The following AZIN1 variants were observed in gnomAD, a reference collection of about 807,000 sequenced individuals.
The protein encoded by AZIN1 is ornithine decarboxylase antizyme inhibitor.
A neutral mutation model predicts 47.4 loss-of-function variants in AZIN1; 12 were observed. The ratio of observed to expected loss-of-function variants is 0.25; its 90% CI spans 0.16 to 0.41. The LOEUF (loss-of-function observed/expected upper bound fraction) is 0.41. AZIN1 is among the 10% of genes least tolerant of loss of function. The pLI is 1.00. For synonymous variants in AZIN1, 155 were observed against 176.3 expected (o/e 0.88, Z 0.96); for missense variants, 410 against 532.4 (o/e 0.77, Z 2.26).
chr8:102,836,323 T>A lies in AZIN1; in HGVS notation c.517A>T (p.Thr173Ser). 6.2e-7 allele frequency: 1 copy of A among 1,613,492 alleles called. No individual in the cohort carries two copies. Among genetic ancestry groups the A allele is most frequent in the East Asian group, 2.2e-5 (1 of 44,874 alleles). The change falls in exon 6 of 12, where the codon ACC (threonine) becomes TCC (serine). Residue 173 changes from threonine (T) to serine (S), a missense_variant. By Grantham distance (58) the Thr-to-Ser change is moderately conservative. Coordinates refer to ENST00000337198, the MANE Select transcript of AZIN1 (RefSeq NM_148174.4). ...AAGAGATGCCTACAGTTCTTCAGGG[T>A]AGTGCCAAACTTCATGTTACCCTCT... Reference protein sequence around the residue: ...GEEGNMKFGTTLKNCRHLLEC... With the variant: ...GEEGNMKFGTSLKNCRHLLEC...
chr8:102,834,953 C>T (rs1811723445), intron 6 of AZIN1: 1 of 506,026 alleles, frequency 2.0e-6, no homozygotes, highest in Admixed American at 3.8e-5. Flanking sequence ...CAAGATAAAA[C>T]TGTAATTCTA....
At position 102,828,472 on chromosome 8, in the gene AZIN1, G is replaced by C; in HGVS notation, c.*95C>G. On this transcript the variant is annotated 3_prime_UTR_variant, in exon 12 of 12. Transcript: ENST00000337198. ...TAGTTTTTGTTGCCAAAAGAATTAAGAGAATAAGATTGTTTAAATTATTTT... is the reference window on the plus strand; with the variant it reads ...TAGTTTTTGTTGCCAAAAGAATTAACAGAATAAGATTGTTTAAATTATTTT... 1 of 782,562 alleles carries C rather than the reference G, an allele frequency of 1.3e-6. No individual in the cohort carries two copies. Among genetic ancestry groups the C allele is most frequent in the South Asian group, 2.3e-5 (1 of 43,094 alleles). The allele number at this position is 782,562 out of a possible 1,614,324, so 48.5% of individuals were successfully genotyped here. A position where few individuals can be genotyped will look rare whatever the true frequency, so the allele number is the denominator to read the frequency against.
chr8:102,829,747 T>C (rs1811316374), intron 10 of AZIN1, 74 bp downstream of exon 10: 2 of 1,153,012 alleles, frequency 1.7e-6, no homozygotes, highest in Non-Finnish European at 2.6e-6. Flanking sequence ...TTCAAAAAAC[T>C]GGGAAGCATC....
chr8:102,856,781 A>G (rs1813322004), intron 2 of AZIN1, among the ~76,000 whole-genome samples: 1 of 152,226 alleles, frequency 6.6e-6, no homozygotes, highest in Admixed American at 6.5e-5. Context: ...ACTAACAAAA[A>G]TTAGGCAACT....
Position 102,836,344 on chromosome 8 carries a change from C to T in AZIN1, c.496G>A (p.Gly166Ser). Residue 166 changes from glycine (G) to serine (S), a missense_variant, in exon 6 of 12, where the codon GGT (glycine) becomes AGT (serine). Gly to Ser is a moderately conservative substitution (Grantham distance 56). Transcript: ENST00000337198. ...ATEDNIGGEE[G>S]NMKFGTTLKN... Reference sequence around the variant, plus strand: ...AGGGTAGTGCCAAACTTCATGTTACCCTCTTCACCTCCAATATTATCTTCT... The same window carrying T: ...AGGGTAGTGCCAAACTTCATGTTACTCTCTTCACCTCCAATATTATCTTCT... 2 of 1,613,698 alleles carry T rather than the reference C, an allele frequency of 1.2e-6. No individual in the cohort carries two copies. Among genetic ancestry groups the T allele is most frequent in the Non-Finnish European group, 1.7e-6 (2 of 1,179,648 alleles).
chr8:102,845,873 G>A (rs1812536106), intron 2 of AZIN1, among the ~76,000 whole-genome samples: 1 of 152,086 alleles, frequency 6.6e-6, no homozygotes, highest in South Asian at 2.1e-4. Context: ...CTTGCAAACT[G>A]TGTCTTTTAA....
chr8:102,854,685 G>C (rs1813172020), intron 2 of AZIN1, among the ~76,000 whole-genome samples: 1 of 148,990 alleles, frequency 6.7e-6, no homozygotes, highest in African/African-American at 2.5e-5. Flanking sequence ...TAAGGCATGT[G>C]TAAATACTAA....
At chr8:102,846,288 T>C (rs1231381834) in intron 2 of AZIN1, among the ~76,000 whole-genome samples, 1 of 152,346 alleles carries the variant, frequency 6.6e-6, no homozygotes, top group East Asian at 1.9e-4. Flanking sequence ...ACTGGCTGAC[T>C]ACCTACATTC....
rs569838068 is a variant in AZIN1, at chr8:102,849,000, T to TC, written c.-95-5254dup. On this transcript the variant is annotated intron_variant, in intron 2 of 11. Transcript: ENST00000337198. ...CCTTACTCCAGATTCACTAAGTTAA[T>TC]CTACCTCAATCTTCAACACCACAGG... Among the ~76,000 whole-genome samples, 126 of 152,242 alleles carry TC rather than the reference T, an allele frequency of 8.3e-4. 2 individuals are homozygous for TC. The Middle Eastern group carries it at 0.037, about 45-fold the overall frequency.
rs1250763437 is a variant in AZIN1, at chr8:102,839,676, C to T, written c.250G>A (p.Gly84Arg). Residue 84 changes from glycine to arginine, a missense_variant, in exon 4 of 12, where the codon GGA (glycine) becomes AGA (arginine). Physicochemically the swap from Gly to Arg is moderately radical, Grantham distance 125. Transcript: ENST00000337198. ...PAVLEILAAL[G>R]TGFACSSKNE... The stretch of plus-strand genomic sequence containing the variant: ...TTACTGGAACAAGCAAATCCGGTTC[C>T]AAGAGCTGCCAAAATCTCAAGTACA... 2 of 1,572,816 alleles carry T rather than the reference C, an allele frequency of 1.3e-6. No individual in the cohort carries two copies. The highest frequency in any genetic ancestry group is 2.4e-5 in the South Asian group (2 of 81,924).
intron 9 of AZIN1, 197 bp from the exon 10 acceptor site, chr8:102,830,133 C>T: frequency 2.3e-6 from 1 of 440,192 alleles, no homozygotes; most frequent in Non-Finnish European, 4.1e-6. Flanking sequence ...TACCTGTAAT[C>T]CTAGCACTTT....
In AZIN1 at chr8:102,839,682, C is replaced by T. The variant is rs370453107; in HGVS notation, c.244G>A (p.Ala82Thr). The change falls in exon 4 of 12, where the codon GCT becomes ACT. Residue 82 changes from alanine to threonine, a missense_variant. Around this residue, in one of 3 missense-constraint regions of AZIN1, gnomAD observed 237 missense variants for 309.4 expected, o/e 0.77. Coordinates refer to ENST00000337198, the MANE Select transcript of AZIN1 (RefSeq NM_148174.4). ...SAPAVLEILA[A>T]LGTGFACSSK... ...GAACAAGCAAATCCGGTTCCAAGAGCTGCCAAAATCTCAAGTACAGCTGGA... is the reference window on the plus strand; with the variant it reads ...GAACAAGCAAATCCGGTTCCAAGAGTTGCCAAAATCTCAAGTACAGCTGGA... 21 of 1,584,404 alleles carry T rather than the reference C, an allele frequency of 1.3e-5. No homozygotes were observed. The highest frequency in any genetic ancestry group is 1.8e-5 in the Non-Finnish European group (21 of 1,165,540).
At chr8:102,861,848 C>T (rs955227785) in intron 1 of AZIN1, among the ~76,000 whole-genome samples, 5 of 151,964 alleles carry the variant, frequency 3.3e-5, no homozygotes, top group African/African-American at 9.7e-5. Context: ...CCAGACCAGC[C>T]TGACCAACAG....
At chr8:102,830,401 CAAAAAA>C (rs34437491) in intron 9 of AZIN1, among the ~76,000 whole-genome samples, 2 of 90,586 alleles carry the variant, frequency 2.2e-5, no homozygotes, top group African/African-American at 4.2e-5. Flanking sequence ...GACCCTGTCT[CAAAAAA>C]AAAAAAAAAA....
intron 3 of AZIN1, among the ~76,000 whole-genome samples, chr8:102,841,801 T>TAAAA (rs200248209): frequency 1.1e-4 from 13 of 115,048 alleles, no homozygotes; most frequent in East Asian, 2.4e-4. Flanking sequence ...AATATATATA[T>TAAAA]ATATAAAAAA....
intron 6 of AZIN1, chr8:102,835,088 C>A: frequency 5.6e-6 from 1 of 179,432 alleles, no homozygotes; most frequent in Non-Finnish European, 1.2e-5. Context: ...ACTACCAAAT[C>A]GTATCACATT....
At chr8:102,846,197 G>A (rs1812558729) in intron 2 of AZIN1, among the ~76,000 whole-genome samples, 1 of 152,138 alleles carries the variant, frequency 6.6e-6, no homozygotes, top group Admixed American at 6.5e-5. Flanking sequence ...CAACCATAGT[G>A]TTCTTAGGAA....
chr8:102,856,689 G>C (rs1813316536), intron 2 of AZIN1, among the ~76,000 whole-genome samples: 1 of 152,224 alleles, frequency 6.6e-6, no homozygotes, highest in Non-Finnish European at 1.5e-5. Flanking sequence ...AACTTTAACA[G>C]ATTGCACCAC....
At chr8:102,838,262 T>C (rs542778194) in intron 5 of AZIN1, among the ~76,000 whole-genome samples, 123 of 152,276 alleles carry the variant, frequency 8.1e-4, no homozygotes, top group Non-Finnish European at 1.5e-3. Flanking sequence ...ATAAAAGTAT[T>C]AGCCTTAAAA....
Sources: gnomAD v4.1 joint callset for allele counts (sites outside exome capture counted in the v4.1 genomes callset) on GRCh38, gnomAD v4.1.1 for gene constraint, gnomAD v4.1.1 regional missense constraint, MANE v1.5 for transcripts, NCBI Gene and HGNC (gene_info 2026-07-23, HGNC 2026-07-21) for gene names.